The following JAKMIP1 variants were observed in gnomAD, a reference collection of about 807,000 sequenced individuals.
JAKMIP1 encodes the protein janus kinase and microtubule interacting protein 1, also known as janus kinase and microtubule-interacting protein 1.
In JAKMIP1, 33 loss-of-function variants were observed where a neutral mutation model predicts 113.0. The ratio of observed to expected loss-of-function variants is 0.29; its 90% CI spans 0.22 to 0.39. JAKMIP1 has a LOEUF of 0.39. JAKMIP1 is among the 10% of genes least tolerant of loss of function. JAKMIP1 has a pLI of 1.00. For synonymous variants in JAKMIP1, 480 were observed against 459.9 expected (o/e 1.04, Z -0.56); for missense variants, 813 against 1,080.5 (o/e 0.75, Z 3.47).
intron 3 of JAKMIP1, among the ~76,000 whole-genome samples, chr4:6,100,766 T>C (rs1416403454): frequency 1.3e-5 from 2 of 152,218 alleles, no homozygotes; most frequent in African/African-American, 2.4e-5. Flanking sequence ...ATAGTCATTC[T>C]AGTGGATGAG....
rs114026161 is a variant in JAKMIP1, at chr4:6,035,251, C to T, written c.2379+653G>A. On this transcript the variant is annotated intron_variant, in intron 19 of 20. Transcript: ENST00000409021. ...CCTTCAGACACATGAGTTAACCTCC[C>T]TGAGCCTCAGTTCTCTCGTCTGGAA... Among the ~76,000 whole-genome samples, 1,014 of 152,186 alleles carry T rather than the reference C, an allele frequency of 6.7e-3. 6 individuals are homozygous for T. The highest frequency in any genetic ancestry group is 0.02 in the African/African-American group (842 of 41,502).
Position 6,088,552 on chromosome 4 carries a change from C to T in JAKMIP1, c.625-2923G>A, listed in dbSNP as rs555960287. 5.3e-5 allele frequency among the ~76,000 whole-genome samples: 8 copies of T among 152,332 alleles called. No individual in the cohort carries two copies. The highest frequency in any genetic ancestry group is 2.1e-4 in the South Asian group (1 of 4,828). ...GACAGAGGGCTTCTGCCCCAGTCAT[C>T]ACAAGAAAGTTTCCTAGAAAATATT... On this transcript the variant is annotated intron_variant, in intron 3 of 20. Coordinates refer to ENST00000409021, the MANE Select transcript of JAKMIP1 (RefSeq NM_001099433.2). The surrounding 1 kb of genome is among the most constrained non-coding windows in gnomAD (Gnocchi z 5.5).
rs1201346626 is a variant in JAKMIP1, at chr4:6,031,384, TCCAG to T, written c.2380-1607_2380-1604del. Among the ~76,000 whole-genome samples, 1 of 152,052 alleles carries T rather than the reference TCCAG, an allele frequency of 6.6e-6. No individual in the cohort carries two copies. Among genetic ancestry groups the T allele is most frequent in the Non-Finnish European group, 1.5e-5 (1 of 68,022 alleles). On this transcript the variant is annotated intron_variant, in intron 19 of 20. Coordinates refer to ENST00000409021, the MANE Select transcript of JAKMIP1 (RefSeq NM_001099433.2). This position sits in a 1 kb window ranked among gnomAD's most constrained non-coding sequence, Gnocchi z 4.4. ...GTGAGCTGAGATCGCGCCATTGCAC[TCCAG>T]CCTGGGTGACACAGAGAGACTCCAT... is the stretch of plus-strand genomic sequence containing the variant.
chr4:6,031,264 T>C lies in JAKMIP1; in HGVS notation c.2380-1483A>G, dbSNP rs528156337. On this transcript the variant is annotated intron_variant, in intron 19 of 20. Coordinates refer to ENST00000409021, the MANE Select transcript of JAKMIP1 (RefSeq NM_001099433.2). The surrounding 1 kb of genome is among the most constrained non-coding windows in gnomAD (Gnocchi z 4.4). ...CCTGACCAACATGGTGAAATGTCTC[T>C]ACTAAAAATACAAAAATGAGCCGGG... Among the ~76,000 whole-genome samples, 20 of 152,142 alleles carry C rather than the reference T, an allele frequency of 1.3e-4. No homozygotes were observed. The South Asian group carries it at 2.9e-3, about 22-fold the overall frequency.
In JAKMIP1 at chr4:6,141,734, G is replaced by A. The variant is rs923303855; in HGVS notation, c.-147-28737C>T. On this transcript the variant is annotated intron_variant, in intron 1 of 20. Transcript: ENST00000409021. This position sits in a 1 kb window ranked among gnomAD's most constrained non-coding sequence, Gnocchi z 9.4. ...GCAAGAGCTATTTCTGCACCAAATG[G>A]AAAGTGGCCCCAGGACACTGATGCC... Among the ~76,000 whole-genome samples the A allele has an allele frequency of 2.6e-5, 4 of 152,182 alleles. No individual in the cohort carries two copies. The highest frequency in any genetic ancestry group is 9.6e-5 in the African/African-American group (4 of 41,454).
intron 3 of JAKMIP1, among the ~76,000 whole-genome samples, chr4:6,102,722 CTTTTTTTTTTTT>C (rs1191358910): frequency 1.4e-4 from 7 of 50,820 alleles, no homozygotes; most frequent in Admixed American, 1.1e-3. Flanking sequence ...TCTCTAAAGA[CTTTTTTTTTTTT>C]TTTTTTTTTT....
rs998984402 is a variant in JAKMIP1, at chr4:6,042,350, T to C, written c.2029-123A>G. 3.9e-6 allele frequency: 3 copies of C among 770,458 alleles called. No individual in the cohort carries two copies. The African/African-American group carries it at 5.1e-5, about 13-fold the overall frequency. The allele number at this position is 770,458 out of a possible 1,614,324, so 47.7% of individuals were successfully genotyped here. On this transcript the variant is annotated intron_variant, in intron 16 of 20. Transcript: ENST00000409021. This position sits in a 1 kb window ranked among gnomAD's most constrained non-coding sequence, Gnocchi z 5.2. ...TCCTCAGAGTGTGCTCAGGAATGGG[T>C]CAGGTCATGGCACACACATGCCTGA...
Position 6,026,241 on chromosome 4 carries a change from A to G in JAKMIP1, c.2483T>C (p.Ile828Thr), listed in dbSNP as rs1711776074. The change falls in exon 21 of 21, where the codon ATT (isoleucine) becomes ACT (threonine). Residue 828 changes from isoleucine (I) to threonine (T), a missense_variant. Physicochemically the swap from Ile to Thr is moderately conservative, Grantham distance 89. Coordinates refer to ENST00000409021, the MANE Select transcript of JAKMIP1 (RefSeq NM_001099433.2). ...TCACTGAAGTCATCAAGGCCACAGAATGAATGCTAGTGAGAAAAACAAAAA... is the reference window on the plus strand; with the variant it reads ...TCACTGAAGTCATCAAGGCCACAGAGTGAATGCTAGTGAGAAAAACAAAAA... ...FLFLFFSLAFILWP is the reference protein window; with the variant it reads ...FLFLFFSLAFTLWP 1.3e-6 allele frequency: 2 copies of G among 1,547,888 alleles called. No individual in the cohort carries two copies. The highest frequency in any genetic ancestry group is 1.7e-6 in the Non-Finnish European group (2 of 1,144,244).
In JAKMIP1 at chr4:6,179,627, C is replaced by T. The variant is rs1047041887; in HGVS notation, c.-148+20626G>A. Among the ~76,000 whole-genome samples, 19 of 152,244 alleles carry T rather than the reference C, an allele frequency of 1.2e-4. No homozygotes were observed. The highest frequency in any genetic ancestry group is 2.4e-4 in the Non-Finnish European group (16 of 68,044). On this transcript the variant is annotated intron_variant, in intron 1 of 20. Transcript: ENST00000409021. The surrounding 1 kb of genome is among the most constrained non-coding windows in gnomAD (Gnocchi z 4.5). ...GCAGAGAACAAGGGAAGGGAAGTGG[C>T]CCAGCAGTGGCCCTGAGTCAGGCTG...
intron 1 of JAKMIP1, among the ~76,000 whole-genome samples, chr4:6,120,219 G>C (rs1716501359): frequency 6.7e-6 from 1 of 148,868 alleles, no homozygotes; most frequent in African/African-American, 2.5e-5. Context: ...TACTTAATGA[G>C]CCCTTAGGAA....
At chr4:6,037,534 G>A (rs1163490731) in intron 18 of JAKMIP1, among the ~76,000 whole-genome samples, 5 of 141,744 alleles carry the variant, frequency 3.5e-5, no homozygotes, top group Non-Finnish European at 3.0e-5. Flanking sequence ...CTCCAACACC[G>A]AGGCAGAGGC....
Position 6,168,663 on chromosome 4 carries a change from G to A in JAKMIP1, c.-148+31590C>T, listed in dbSNP as rs912759338. ...CCCAGCACTTTGGGAGGGCGAGGCG[G>A]GCAGATTTTTTGAGTCCAAGAGTCC... On this transcript the variant is annotated intron_variant, in intron 1 of 20. Coordinates refer to ENST00000409021, the MANE Select transcript of JAKMIP1 (RefSeq NM_001099433.2). The surrounding 1 kb of genome is among the most constrained non-coding windows in gnomAD (Gnocchi z 4.6). Among the ~76,000 whole-genome samples, 12 of 152,124 alleles carry A rather than the reference G, an allele frequency of 7.9e-5. No homozygotes were observed. The highest frequency in any genetic ancestry group is 2.0e-4 in the Admixed American group (3 of 15,272).
rs1473194310 is a variant in JAKMIP1, at chr4:6,143,666, G to A, written c.-147-30669C>T. Among the ~76,000 whole-genome samples the A allele has an allele frequency of 1.3e-5, 2 of 152,214 alleles. No individual in the cohort carries two copies. Among genetic ancestry groups the A allele is most frequent in the African/African-American group, 4.8e-5 (2 of 41,460 alleles). On this transcript the variant is annotated intron_variant, in intron 1 of 20. Coordinates refer to ENST00000409021, the MANE Select transcript of JAKMIP1 (RefSeq NM_001099433.2). This position sits in a 1 kb window ranked among gnomAD's most constrained non-coding sequence, Gnocchi z 4.9. ...ATCTGCATCAGCTGGGAGCTTGTTA[G>A]GAGTTAAAATTCTTTGGCCTCAACA...
At chr4:6,119,240 T>C (rs1716332146) in intron 1 of JAKMIP1, among the ~76,000 whole-genome samples, 1 of 152,140 alleles carries the variant, frequency 6.6e-6, no homozygotes, top group South Asian at 2.1e-4. Context: ...ATACCAGGCA[T>C]GCAGGGAAAA....
chr4:6,082,380 A>C (rs1167293418), intron 5 of JAKMIP1, among the ~76,000 whole-genome samples: 2 of 151,482 alleles, frequency 1.3e-5, no homozygotes, highest in African/African-American at 2.4e-5. Flanking sequence ...CCGCCCCCCC[A>C]AAAAAATGCC....
In JAKMIP1 at chr4:6,044,492, G is replaced by A. The variant is rs1009997155; in HGVS notation, c.2029-2265C>T. ...CAGCACCCAGCACCCTGTGCCAGCC[G>A]CGGTGGCCAGCACTTCCTCAAACAA... On this transcript the variant is annotated intron_variant, in intron 16 of 20. Coordinates refer to ENST00000409021, the MANE Select transcript of JAKMIP1 (RefSeq NM_001099433.2). The surrounding 1 kb of genome is among the most constrained non-coding windows in gnomAD (Gnocchi z 4.4). Among the ~76,000 whole-genome samples, 5 of 152,190 alleles carry A rather than the reference G, an allele frequency of 3.3e-5. No individual in the cohort carries two copies. The highest frequency in any genetic ancestry group is 1.9e-4 in the East Asian group (1 of 5,172).
rs531799623 is a variant in JAKMIP1 at position 6,158,944 on chromosome 4, C to T, written c.-148+41309G>A. 1.3e-3 allele frequency among the ~76,000 whole-genome samples: 201 copies of T among 152,092 alleles called. No individual in the cohort carries two copies. The highest frequency in any genetic ancestry group is 2.3e-3 in the Non-Finnish European group (153 of 67,990). ...TCTCTACAAAAAATACAAAAATTAG[C>T]GGGGCATAGTGGCATGCACCTATAG... is the stretch of plus-strand genomic sequence containing the variant. On this transcript the variant is annotated intron_variant, in intron 1 of 20. Coordinates refer to ENST00000409021, the MANE Select transcript of JAKMIP1 (RefSeq NM_001099433.2). The surrounding 1 kb of genome is among the most constrained non-coding windows in gnomAD (Gnocchi z 5.3).
At position 6,079,015 on chromosome 4, in the gene JAKMIP1, C is replaced by T. The variant is rs536097858; in HGVS notation, c.1243-17G>A. The T allele has an allele frequency of 3.2e-5, 51 of 1,614,044 alleles. No individual in the cohort carries two copies. The highest frequency in any genetic ancestry group is 1.6e-4 in the South Asian group (15 of 91,072). On this transcript the variant is annotated splice_polypyrimidine_tract_variant and intron_variant, in intron 7 of 20. Coordinates refer to ENST00000409021, the MANE Select transcript of JAKMIP1 (RefSeq NM_001099433.2). ...TTCTCTCTCCTAGAAGGAAACACAA[C>T]GGTTGGCATTTCCAGCCAGCCTCAC...
chr4:6,169,547 T>C (rs1724079333), intron 1 of JAKMIP1, among the ~76,000 whole-genome samples: 1 of 151,820 alleles, frequency 6.6e-6, no homozygotes, highest in Admixed American at 6.6e-5. Flanking sequence ...TGTGAGAGAA[T>C]GCATTTGTTT....
Sources: allele counts gnomAD v4.1 joint callset (sites outside exome capture counted in the v4.1 genomes callset), GRCh38; gene constraint gnomAD v4.1.1; non-coding constraint Gnocchi (gnomAD v3.1); transcripts MANE v1.5; gene names NCBI Gene and HGNC (gene_info 2026-07-23, HGNC 2026-07-21).